Variants in ZNF138 observed in about 807,000 individuals in gnomAD.
ZNF138 encodes zinc finger protein 138 (clone pHZ-32).
In ZNF138, 33 loss-of-function variants were observed where a neutral mutation model predicts 33.0. The observed-to-expected ratio is 1.00, with a 90% CI of 0.76 to 1.34. ZNF138 has a LOEUF of 1.34. ZNF138 is among the 40% of genes most tolerant of loss of function. ZNF138 has a pLI of 0.00. For missense variants in ZNF138, 360 were observed against 370.8 expected (o/e 0.97, Z 0.24); for synonymous variants, 139 against 120.4 (o/e 1.15, Z -1.01).
At chr7:64,804,958 G>A (rs776582208) in intron 1 of ZNF138, among the ~76,000 whole-genome samples, 1 of 152,024 alleles carries the variant, frequency 6.6e-6, no homozygotes, top group African/African-American at 2.4e-5. Context: ...GTGCACTTTG[G>A]GTGTTTAAAA....
At chr7:64,798,035 G>A (rs1211007225) in intron 1 of ZNF138, among the ~76,000 whole-genome samples, 3 of 152,122 alleles carry the variant, frequency 2.0e-5, no homozygotes, top group Admixed American at 6.5e-5. Flanking sequence ...CTGCCTCCTG[G>A]GTTCAAGTGA....
At chr7:64,831,155 T>C in intron 3 of ZNF138, 2 of 1,506,700 alleles carry the variant, frequency 1.3e-6, no homozygotes, top group Non-Finnish European at 1.8e-6. Flanking sequence ...CTATGTTATA[T>C]CGGGGAACAG....
At chr7:64,805,468 A>T (rs559253400) in intron 1 of ZNF138, among the ~76,000 whole-genome samples, 3 of 152,148 alleles carry the variant, frequency 2.0e-5, no homozygotes, top group African/African-American at 7.2e-5. Context: ...TGAAGGTGCA[A>T]TTCTACCTAG....
At chr7:64,849,327 C>T in the ZNF138 span, among the ~76,000 whole-genome samples, 2 of 152,144 alleles carry the variant, frequency 1.3e-5, no homozygotes, top group Non-Finnish European at 2.9e-5. Context: ...GATATTAGCA[C>T]CTGCTTTGGT....
intron 1 of ZNF138, among the ~76,000 whole-genome samples, chr7:64,804,372 T>C (rs1322909628): frequency 3.3e-5 from 5 of 152,274 alleles, no homozygotes; most frequent in Middle Eastern, 6.8e-3. Flanking sequence ...AGCCTTCTCA[T>C]GTGGACCCCC....
intron 1 of ZNF138, among the ~76,000 whole-genome samples, chr7:64,814,548 C>T (rs187159665): frequency 1.6e-3 from 249 of 152,180 alleles, no homozygotes; most frequent in African/African-American, 5.7e-3. Context: ...GGGTGGATCA[C>T]GAGGTCAGGA....
Position 64,797,357 on chromosome 7 carries a change from C to A in ZNF138, c.3+2786C>A, listed in dbSNP as rs563328549. On this transcript the variant is annotated intron_variant, in intron 1 of 3. Coordinates refer to ENST00000307355, the MANE Select transcript of ZNF138 (RefSeq NM_001271639.2). ...ATACTTTTGCATTTGAGATATGTGA[C>A]GTAAGTGCTTTAAAATTTCCTTCCC... Among the ~76,000 whole-genome samples the A allele has an allele frequency of 1.8e-4, 28 of 152,160 alleles. No homozygotes were observed. The South Asian group carries it at 5.6e-3, about 31-fold the overall frequency.
At chr7:64,836,147 G>A (rs1315640260), downstream of ZNF138, 2 of 152,144 alleles carry the variant, frequency 1.3e-5, no homozygotes, top group South Asian at 2.1e-4. Flanking sequence ...GGGAACTTGT[G>A]TCTTGTAGGG....
intron 1 of ZNF138, chr7:64,814,055 A>G (rs904052502): frequency 5.8e-6 from 7 of 1,211,056 alleles, no homozygotes; most frequent in African/African-American, 3.3e-5. Flanking sequence ...ATCTTTGTTT[A>G]CAGGCCAGAA....
downstream of ZNF138, chr7:64,835,562 CTTTT>C (rs150801384): frequency 1.3e-5 from 2 of 148,850 alleles, no homozygotes; most frequent in Non-Finnish European, 3.0e-5. Context: ...CCTCTTGGAT[CTTTT>C]TTTTTTAAAG....
rs190901644 is a variant in ZNF138, at chr7:64,821,787, C to G, written c.208+6134C>G. Reference sequence around the variant, plus strand: ...GTCTCCAACTACTGACCTCGTGATCCTCCTGCCTTGGCCTCCCAAAGTGTT... The same window carrying G: ...GTCTCCAACTACTGACCTCGTGATCGTCCTGCCTTGGCCTCCCAAAGTGTT... On this transcript the variant is annotated intron_variant, in intron 3 of 3. Coordinates refer to ENST00000307355, the MANE Select transcript of ZNF138 (RefSeq NM_001271639.2). 1.8e-3 allele frequency among the ~76,000 whole-genome samples: 274 copies of G among 151,612 alleles called. 1 individual carries two copies. Among genetic ancestry groups the G allele is most frequent in the Admixed American group, 4.7e-3 (71 of 15,248 alleles).
At chr7:64,796,872 A>G (rs541647999) in intron 1 of ZNF138, among the ~76,000 whole-genome samples, 1 of 152,256 alleles carries the variant, frequency 6.6e-6, no homozygotes, top group African/African-American at 2.4e-5. Flanking sequence ...GTGAAACCCC[A>G]TCTCTACTAA....
downstream of ZNF138, among the ~76,000 whole-genome samples, chr7:64,838,385 C>T (rs568235192): frequency 4.6e-5 from 6 of 131,210 alleles, no homozygotes; most frequent in African/African-American, 8.7e-5. Context: ...GCAGGCAGGA[C>T]GGTTGCTGTT....
chr7:64,830,823 C>A, intron 3 of ZNF138: 1 of 1,191,238 alleles, frequency 8.4e-7, no homozygotes, highest in African/African-American at 1.6e-5. Context: ...GAGAGTCTTT[C>A]AGACATGTTC....
At chr7:64,855,283 C>T in the ZNF138 span, among the ~76,000 whole-genome samples, 1 of 152,168 alleles carries the variant, frequency 6.6e-6, no homozygotes, top group African/African-American at 2.4e-5. Flanking sequence ...CTTACTCTGC[C>T]TCCCAAAGGC....
the ZNF138 span, among the ~76,000 whole-genome samples, chr7:64,840,132 C>G: frequency 6.6e-6 from 1 of 152,098 alleles, no homozygotes; most frequent in Admixed American, 6.5e-5. Context: ...CGATCGCCAT[C>G]TTGGAGTCTT....
At chr7:64,837,593 A>T (rs4718130), downstream of ZNF138, among the ~76,000 whole-genome samples, 7 of 152,240 alleles carry the variant, frequency 4.6e-5, no homozygotes, top group South Asian at 1.5e-3. Context: ...AGGTTACCCA[A>T]GATTGGCGCG....
chr7:64,858,389 G>A, the ZNF138 span, among the ~76,000 whole-genome samples: 5 of 152,090 alleles, frequency 3.3e-5, no homozygotes, highest in Admixed American at 6.6e-5. Context: ...AAGAAGACAT[G>A]ATTACTAAAA....
chr7:64,841,959 T>C, the ZNF138 span, among the ~76,000 whole-genome samples: 1 of 152,228 alleles, frequency 6.6e-6, no homozygotes, highest in African/African-American at 2.4e-5. Context: ...ACACAGAGTG[T>C]GACACATTTA....
Sources: gnomAD v4.1 joint callset for allele counts (sites outside exome capture counted in the v4.1 genomes callset) on GRCh38, gnomAD v4.1.1 for gene constraint, MANE v1.5 for transcripts, NCBI Gene and HGNC (gene_info 2026-07-23, HGNC 2026-07-21) for gene names.